The following IFTAP variants were observed in gnomAD, a reference collection of about 807,000 sequenced individuals.
The protein encoded by IFTAP is intraflagellar transport-associated protein.
In IFTAP, 19 loss-of-function variants were observed where a neutral mutation model predicts 19.4. The ratio of observed to expected loss-of-function variants is 0.98; its 90% CI spans 0.68 to 1.44. The LOEUF (loss-of-function observed/expected upper bound fraction) is 1.44, where lower values mean the gene tolerates loss of function less well. Ranked by LOEUF, IFTAP falls within the 40% of genes most tolerant of loss-of-function variation. IFTAP has a pLI of 0.00. For synonymous variants in IFTAP, 85 were observed against 83.5 expected (o/e 1.02, Z -0.10); for missense variants, 240 against 253.6 (o/e 0.95, Z 0.36).
chr11:36,635,981 C>A, intron 3 of IFTAP, 70 bp from the exon 4 acceptor site: 2 of 984,958 alleles, frequency 2.0e-6, no homozygotes, highest in South Asian at 1.3e-5. Flanking sequence ...GAAGTGGATT[C>A]GTTGACTTTT....
chr11:36,621,330 G>A (rs1565014662), intron 2 of IFTAP, among the ~76,000 whole-genome samples: 1 of 151,910 alleles, frequency 6.6e-6, no homozygotes, highest in African/African-American at 2.4e-5. Flanking sequence ...ATACAAACAG[G>A]AAACTTTATT....
chr11:36,635,543 C>T (rs772038348), intron 3 of IFTAP, among the ~76,000 whole-genome samples: 2 of 152,258 alleles, frequency 1.3e-5, no homozygotes, highest in Admixed American at 6.5e-5. Flanking sequence ...CTGCTCACAT[C>T]TCTTGTGATT....
rs1243664769 is a variant in IFTAP at position 36,596,211 on chromosome 11, G to GTTTTTTTTTTTTTTT, written c.-24+1629_-24+1630insTTTTTTTTTTTTTTT. Among the ~76,000 whole-genome samples, 6 of 101,154 alleles carry GTTTTTTTTTTTTTTT rather than the reference G, an allele frequency of 5.9e-5. 1 individual carries two copies. The highest frequency in any genetic ancestry group is 2.5e-4 in the African/African-American group (6 of 24,284). 66.4% of individuals were successfully genotyped at this position (101,154 alleles called of 152,430 possible). A position where few individuals can be genotyped will look rare whatever the true frequency, so the allele number is the denominator to read the frequency against. On this transcript the variant is annotated intron_variant, in intron 1 of 5. Coordinates refer to ENST00000334307, the MANE Select transcript of IFTAP (RefSeq NM_138787.4). ...CTGGTCACTCTAATGAGATGGTAGT[G>GTTTTTTTTTTTTTTT]TTTTTTTTTTGTTTTTTTTTTTTTT...
At chr11:36,605,893 C>T (rs74653262) in intron 1 of IFTAP, among the ~76,000 whole-genome samples, 1 of 149,490 alleles carries the variant, frequency 6.7e-6, no homozygotes. Context: ...CTCTCTCCCC[C>T]TCTTTTTCTT....
chr11:36,644,236 G>A (rs199969125), intron 4 of IFTAP, among the ~76,000 whole-genome samples: 1 of 151,324 alleles, frequency 6.6e-6, no homozygotes, highest in East Asian at 2.0e-4. Flanking sequence ...CAGCCAACGG[G>A]CACATGAAAA....
intron 2 of IFTAP, among the ~76,000 whole-genome samples, chr11:36,611,670 CT>C (rs1407188921): frequency 1.3e-5 from 2 of 151,948 alleles, no homozygotes; most frequent in African/African-American, 4.8e-5. Context: ...TTTGTTTACA[CT>C]TAAACAAAAA....
chr11:36,599,748 T>C (rs1291450187), intron 1 of IFTAP, among the ~76,000 whole-genome samples: 2 of 152,244 alleles, frequency 1.3e-5, no homozygotes, highest in Non-Finnish European at 2.9e-5. Flanking sequence ...TAGTTCCTTC[T>C]GTGATGATTT....
At chr11:36,598,933 G>A (rs1209105725) in intron 1 of IFTAP, among the ~76,000 whole-genome samples, 1 of 152,162 alleles carries the variant, frequency 6.6e-6, no homozygotes, top group African/African-American at 2.4e-5. Context: ...AAAGTGTTCA[G>A]CCAAGGAAGA....
intron 2 of IFTAP, among the ~76,000 whole-genome samples, chr11:36,630,894 A>G (rs1392349150): frequency 1.3e-5 from 2 of 151,232 alleles, no homozygotes; most frequent in Non-Finnish European, 2.9e-5. Context: ...TTGAACATTG[A>G]TGAAGTTTGA....
At chr11:36,598,319 A>G (rs569611522) in intron 1 of IFTAP, 1 of 152,026 alleles carries the variant, frequency 6.6e-6, no homozygotes, top group Admixed American at 6.6e-5. Flanking sequence ...CTTTCTTTAG[A>G]TGGTTGAGGG....
intron 2 of IFTAP, among the ~76,000 whole-genome samples, chr11:36,622,957 C>T (rs1470730585): frequency 6.6e-6 from 1 of 152,048 alleles, no homozygotes; most frequent in Non-Finnish European, 1.5e-5. Context: ...CTACACTGGC[C>T]TCTGGTGGAT....
At chr11:36,637,479 G>A (rs1295693504) in intron 4 of IFTAP, among the ~76,000 whole-genome samples, 1 of 152,130 alleles carries the variant, frequency 6.6e-6, no homozygotes, top group Non-Finnish European at 1.5e-5. Context: ...GATTAGAAGG[G>A]AGAGCTAAGG....
chr11:36,613,998 A>T (rs1005461895), intron 2 of IFTAP, among the ~76,000 whole-genome samples: 1 of 151,514 alleles, frequency 6.6e-6, no homozygotes, highest in Non-Finnish European at 1.5e-5. Context: ...TACATGTGCC[A>T]TGCTGGTGCA....
chr11:36,614,279 T>C (rs998532647), intron 2 of IFTAP, among the ~76,000 whole-genome samples: 1 of 146,828 alleles, frequency 6.8e-6, no homozygotes, highest in Non-Finnish European at 1.5e-5. Flanking sequence ...TAGTATTCCA[T>C]GGTGTATATG....
At chr11:36,598,365 C>G (rs1263742875) in intron 1 of IFTAP, 1 of 152,108 alleles carries the variant, frequency 6.6e-6, no homozygotes, top group Non-Finnish European at 1.5e-5. Flanking sequence ...GGATTTAACT[C>G]TTTCACTACT....
chr11:36,658,068 C>T (rs189623244), intron 5 of IFTAP, among the ~76,000 whole-genome samples: 1 of 152,314 alleles, frequency 6.6e-6, no homozygotes, highest in East Asian at 1.9e-4. Context: ...CTACATGCTA[C>T]ATTTTTACGA....
intron 2 of IFTAP, among the ~76,000 whole-genome samples, chr11:36,616,536 AG>A (rs1415154426): frequency 1.3e-5 from 2 of 152,114 alleles, no homozygotes; most frequent in East Asian, 3.9e-4. Context: ...AAATTGCTGG[AG>A]GACTGGCCTT....
intron 4 of IFTAP, among the ~76,000 whole-genome samples, chr11:36,645,238 T>G (rs748508371): frequency 7.9e-5 from 12 of 152,148 alleles, no homozygotes; most frequent in Non-Finnish European, 1.3e-4. Context: ...ATGGCTGTAG[T>G]CTTTGACTTG....
intron 5 of IFTAP, among the ~76,000 whole-genome samples, chr11:36,653,505 T>C (rs1853833552): frequency 6.6e-6 from 1 of 152,116 alleles, no homozygotes; most frequent in African/African-American, 2.4e-5. Context: ...ATAATTTCAG[T>C]TTGTAATCTA....
Sources: gnomAD v4.1 joint callset for allele counts (sites outside exome capture counted in the v4.1 genomes callset) on GRCh38, gnomAD v4.1.1 for gene constraint, MANE v1.5 for transcripts, NCBI Gene and HGNC (gene_info 2026-07-23, HGNC 2026-07-21) for gene names.